The following INPP4B variants were observed in gnomAD, a reference collection of about 807,000 sequenced individuals.
The protein encoded by INPP4B is inositol polyphosphate-4-phosphatase type II B, also known as inositol polyphosphate 4-phosphatase type II.
In INPP4B, 55 loss-of-function variants were observed where a neutral mutation model predicts 122.5. The observed-to-expected ratio is 0.45, with a 90% CI of 0.36 to 0.56. INPP4B has a LOEUF of 0.56. Among genes scored for constraint, INPP4B ranks in the 20% least tolerant of loss-of-function variants. INPP4B has a pLI of 0.00. For missense variants in INPP4B, 1,000 were observed against 1,097.7 expected (o/e 0.91, Z 1.26); for synonymous variants, 403 against 388.7 (o/e 1.04, Z -0.43).
At chr4:142,673,177 G>A (rs575807552) in intron 2 of INPP4B, among the ~76,000 whole-genome samples, 14 of 152,012 alleles carry the variant, frequency 9.2e-5, no homozygotes, top group Admixed American at 4.6e-4. Flanking sequence ...ATTTTCTAAC[G>A]TTGTTCATTT....
chr4:142,566,711 C>T (rs1015218447), intron 2 of INPP4B, among the ~76,000 whole-genome samples: 1 of 152,098 alleles, frequency 6.6e-6, no homozygotes, highest in Admixed American at 6.6e-5. Context: ...GTATTTAAAC[C>T]CCACTTCTAG....
intron 1 of INPP4B, among the ~76,000 whole-genome samples, chr4:142,761,190 T>C (rs1369324030): frequency 6.6e-6 from 1 of 152,052 alleles, no homozygotes. Flanking sequence ...TTTTTGCTTT[T>C]TGCTAAAAAA....
At chr4:142,405,130 A>AGG (rs1339687671) in intron 6 of INPP4B, 76 bp downstream of exon 6, 3 of 714,402 alleles carry the variant, frequency 4.2e-6, no homozygotes, top group South Asian at 1.6e-5. Context: ...GGGGGGAGGG[A>AGG]GAGAGAGAGC....
intron 1 of INPP4B, among the ~76,000 whole-genome samples, chr4:142,811,222 A>C (rs1698308237): frequency 6.6e-6 from 1 of 152,188 alleles, no homozygotes; most frequent in African/African-American, 2.4e-5. Context: ...GTAGTAGTGG[A>C]GTCATAGGCA....
chr4:142,226,805 T>C (rs1365608255), intron 12 of INPP4B, among the ~76,000 whole-genome samples: 2 of 152,104 alleles, frequency 1.3e-5, no homozygotes, highest in Non-Finnish European at 2.9e-5. Flanking sequence ...GAATTAGAAA[T>C]TGATAAAGTA....
At chr4:142,650,256 A>C (rs1752659287) in intron 2 of INPP4B, among the ~76,000 whole-genome samples, 1 of 152,244 alleles carries the variant, frequency 6.6e-6, no homozygotes, top group South Asian at 2.1e-4. Flanking sequence ...CAGCCACTGC[A>C]AAAACATGCC....
At chr4:142,623,449 T>C (rs920375569) in intron 2 of INPP4B, among the ~76,000 whole-genome samples, 3 of 151,890 alleles carry the variant, frequency 2.0e-5, no homozygotes, top group African/African-American at 7.3e-5. Flanking sequence ...TAACCTGTCC[T>C]TCATATTTTT....
chr4:142,267,253 T>C (rs1743265927), intron 10 of INPP4B, among the ~76,000 whole-genome samples: 1 of 152,120 alleles, frequency 6.6e-6, no homozygotes, highest in South Asian at 2.1e-4. Context: ...AGAGTCAAAG[T>C]TATCTTGAGT....
chr4:142,353,321 G>A (rs1483690447), intron 7 of INPP4B, among the ~76,000 whole-genome samples: 3 of 151,934 alleles, frequency 2.0e-5, no homozygotes, highest in Non-Finnish European at 4.4e-5. Flanking sequence ...TAGGGGGAGC[G>A]CTAGGCTCTT....
intron 1 of INPP4B, among the ~76,000 whole-genome samples, chr4:142,781,001 TC>T (rs1395952464): frequency 6.6e-6 from 1 of 152,140 alleles, no homozygotes; most frequent in Non-Finnish European, 1.5e-5. Flanking sequence ...GAGAAATCAA[TC>T]TCATAATACT....
At chr4:142,303,719 G>A (rs1762349940) in intron 9 of INPP4B, among the ~76,000 whole-genome samples, 1 of 152,012 alleles carries the variant, frequency 6.6e-6, no homozygotes, top group Admixed American at 6.6e-5. Context: ...ATTTTTTCTA[G>A]AAAAGTCAAT....
At position 142,506,076 on chromosome 4, in the gene INPP4B, T is replaced by C. The variant is rs147658035; in HGVS notation, c.-190-43350A>G. 4.5e-3 allele frequency among the ~76,000 whole-genome samples: 679 copies of C among 152,290 alleles called. 4 individuals carry two copies. Among genetic ancestry groups the C allele is most frequent in the African/African-American group, 0.016 (652 of 41,558 alleles). On this transcript the variant is annotated intron_variant, in intron 2 of 25. Transcript: ENST00000262992. ...TCATAGTTTAATGAGTGTCGAAGTT[T>C]GTTTTAATGTTAGGTATGGCTAGTT...
chr4:142,319,665 C>G (rs1469055161), intron 7 of INPP4B, among the ~76,000 whole-genome samples: 1 of 152,172 alleles, frequency 6.6e-6, no homozygotes, highest in African/African-American at 2.4e-5. Flanking sequence ...ATAGTACACT[C>G]TCTCCACTGT....
chr4:142,097,565 A>G (rs1782523979), intron 23 of INPP4B, among the ~76,000 whole-genome samples: 1 of 151,982 alleles, frequency 6.6e-6, no homozygotes, highest in African/African-American at 2.4e-5. Flanking sequence ...CCTGATTTGC[A>G]TATTGTCTAT....
chr4:142,626,176 T>A (rs772363191), intron 2 of INPP4B, among the ~76,000 whole-genome samples: 37 of 152,204 alleles, frequency 2.4e-4, no homozygotes, highest in Non-Finnish European at 4.3e-4. Context: ...CAAAAGAAAC[T>A]ACCATCAGAG....
intron 2 of INPP4B, among the ~76,000 whole-genome samples, chr4:142,592,441 C>A (rs948604567): frequency 6.6e-6 from 1 of 152,118 alleles, no homozygotes; most frequent in East Asian, 1.9e-4. Context: ...AAATAAAAAA[C>A]TCTTATTTTT....
At chr4:142,587,167 A>C (rs1736397863) in intron 2 of INPP4B, among the ~76,000 whole-genome samples, 1 of 152,200 alleles carries the variant, frequency 6.6e-6, no homozygotes, top group Non-Finnish European at 1.5e-5. Flanking sequence ...CACAGGGAAC[A>C]CAGAGGGTTA....
chr4:142,479,851 C>T (rs563993461), intron 2 of INPP4B, among the ~76,000 whole-genome samples: 3 of 152,202 alleles, frequency 2.0e-5, no homozygotes, highest in African/African-American at 7.2e-5. Flanking sequence ...AACCACCTAT[C>T]AGGTACTATG....
intron 2 of INPP4B, among the ~76,000 whole-genome samples, chr4:142,689,224 T>C (rs1266773048): frequency 6.6e-6 from 1 of 152,152 alleles, no homozygotes; most frequent in Non-Finnish European, 1.5e-5. Context: ...AGGAGGCTAA[T>C]GGTCTTTCCA....
Sources: allele counts gnomAD v4.1 joint callset (sites outside exome capture counted in the v4.1 genomes callset), GRCh38; gene constraint gnomAD v4.1.1; transcripts MANE v1.5; gene names NCBI Gene and HGNC (gene_info 2026-07-23, HGNC 2026-07-21).